The following RNASET2 variants were observed in gnomAD, a reference collection of about 807,000 sequenced individuals.
RNASET2 encodes the protein ribonuclease T2.
Under a neutral mutation model 33.9 loss-of-function variants are expected in RNASET2, and 28 were observed. That is an observed-to-expected ratio of 0.83 (90% CI 0.61 to 1.13). The LOEUF is 1.13. RNASET2 is among the 50% of genes most tolerant of loss of function. The probability of loss-of-function intolerance (pLI) is 0.00; values close to 1 mark genes in which losing one functional copy is unlikely to be tolerated. For missense variants in RNASET2, 330 were observed against 319.9 expected (o/e 1.03, Z -0.24); for synonymous variants, 123 against 121.0 (o/e 1.02, Z -0.11).
chr6:166,944,578 C>A (rs935290661), intron 4 of RNASET2, among the ~76,000 whole-genome samples: 1 of 151,296 alleles, frequency 6.6e-6, no homozygotes, highest in Non-Finnish European at 1.5e-5. Flanking sequence ...TGGGCTACTT[C>A]CGTTTGGGAC....
At chr6:166,937,914 A>T (rs1424516426) in intron 6 of RNASET2, among the ~76,000 whole-genome samples, 1 of 152,184 alleles carries the variant, frequency 6.6e-6, no homozygotes, top group Non-Finnish European at 1.5e-5. Context: ...CCCAAGTTGC[A>T]GCTGTTAGAC....
intron 1 of RNASET2, 132 bp downstream of exon 1, chr6:166,955,965 G>T: frequency 9.0e-7 from 1 of 1,111,666 alleles, no homozygotes. Context: ...AGCGTGCTCG[G>T]CTCCCCCCGC....
chr6:166,930,276 C>G (rs907578899), intron 8 of RNASET2, among the ~76,000 whole-genome samples: 5 of 152,242 alleles, frequency 3.3e-5, no homozygotes. Flanking sequence ...AGAAACCATG[C>G]TTGCTCACAC....
chr6:166,946,393 G>A (rs188071260), intron 4 of RNASET2, among the ~76,000 whole-genome samples: 1 of 152,372 alleles, frequency 6.6e-6, no homozygotes, highest in East Asian at 1.9e-4. Flanking sequence ...ATCTGCACAG[G>A]TCTGGCATGG....
intron 2 of RNASET2, among the ~76,000 whole-genome samples, chr6:166,949,317 C>G (rs1778926288): frequency 6.7e-6 from 1 of 150,078 alleles, no homozygotes; most frequent in Non-Finnish European, 1.5e-5. Context: ...TCCTGGCCAA[C>G]CTGTGAAACC....
intron 1 of RNASET2, among the ~76,000 whole-genome samples, chr6:166,955,281 GACA>G (rs1229335882): frequency 8.5e-5 from 6 of 70,784 alleles, no homozygotes; most frequent in East Asian, 5.0e-4. Flanking sequence ...GCGCACACAC[GACA>G]CACACGCACA....
intron 6 of RNASET2, chr6:166,938,430 G>A (rs560469561): frequency 2.1e-4 from 92 of 447,696 alleles, no homozygotes; most frequent in South Asian, 1.4e-3. Flanking sequence ...GATTTAGGCA[G>A]GTTGGGGTCA....
intron 3 of RNASET2, chr6:166,948,362 AG>A (rs1778898968): frequency 1.6e-6 from 1 of 636,506 alleles, no homozygotes; most frequent in Admixed American, 2.6e-5. Flanking sequence ...AAAAAAAAAA[AG>A]TGTTATTGTT....
In RNASET2 at chr6:166,929,796, A is replaced by C; in HGVS notation, c.568-5T>G. On this transcript the variant is annotated splice_polypyrimidine_tract_variant and splice_region_variant and intron_variant, in intron 8 of 8. Coordinates refer to ENST00000508775, the MANE Select transcript of RNASET2 (RefSeq NM_003730.6). ...AATTGTCTGTACTTCCTCATCCTAA[A>C]AGTAAACAATGAAAGACGCTTTAGA... 2.5e-6 allele frequency: 4 copies of C among 1,612,784 alleles called. No individual in the cohort carries two copies. The highest frequency in any genetic ancestry group is 3.4e-6 in the Non-Finnish European group (4 of 1,178,854).
chr6:166,943,117 A>G (rs749852433), intron 4 of RNASET2, 28 bp from the exon 5 acceptor site: 1 of 1,556,604 alleles, frequency 6.4e-7, no homozygotes, highest in Non-Finnish European at 8.8e-7. Flanking sequence ...AAATAAGTCT[A>G]CGCAGGTTCT....
chr6:166,948,528 C>A, intron 3 of RNASET2, 42 bp downstream of exon 3: 1 of 1,280,844 alleles, frequency 7.8e-7, no homozygotes, highest in South Asian at 1.2e-5. Context: ...TCCCAGTCAG[C>A]AAGCCTCTTC....
chr6:166,945,717 C>A (rs925865021), intron 4 of RNASET2, among the ~76,000 whole-genome samples: 5 of 151,644 alleles, frequency 3.3e-5, no homozygotes, highest in African/African-American at 1.2e-4. Context: ...GTAATCCCAG[C>A]TACTCAGGAG....
intron 2 of RNASET2, among the ~76,000 whole-genome samples, chr6:166,949,647 A>G (rs767042330): frequency 6.6e-6 from 1 of 152,204 alleles, no homozygotes; most frequent in Non-Finnish European, 1.5e-5. Flanking sequence ...CTGGAGAAAG[A>G]GGGTCAGAGG....
intron 1 of RNASET2, chr6:166,952,856 G>C (rs1583236405): frequency 5.2e-6 from 2 of 386,002 alleles, no homozygotes. Flanking sequence ...TCACTGAAGG[G>C]AAGCCACTGA....
intron 8 of RNASET2, 49 bp from the exon 9 acceptor site, chr6:166,929,840 C>G (rs1455287699): frequency 1.3e-6 from 2 of 1,526,170 alleles, no homozygotes; most frequent in African/African-American, 2.7e-5. Context: ...CTTGGATTAT[C>G]ATCAAGGTCT....
intron 5 of RNASET2, among the ~76,000 whole-genome samples, chr6:166,942,711 G>A (rs570697874): frequency 6.6e-6 from 1 of 152,156 alleles, no homozygotes; most frequent in African/African-American, 2.4e-5. Flanking sequence ...CAAAGTGCTA[G>A]GATTACAGGC....
At chr6:166,940,639 C>T (rs879933540) in intron 5 of RNASET2, among the ~76,000 whole-genome samples, 1 of 152,132 alleles carries the variant, frequency 6.6e-6, no homozygotes, top group Non-Finnish European at 1.5e-5. Context: ...CAGTAAATGT[C>T]AGCCATCATT....
chr6:166,940,996 G>A (rs1453065203), intron 5 of RNASET2, among the ~76,000 whole-genome samples: 5 of 152,198 alleles, frequency 3.3e-5, no homozygotes, highest in Admixed American at 3.3e-4. Context: ...AGCAGAGGTG[G>A]AGAAGCCAGA....
chr6:166,936,860 A>C (rs1456229177), intron 6 of RNASET2, among the ~76,000 whole-genome samples: 1 of 152,230 alleles, frequency 6.6e-6, no homozygotes, highest in East Asian at 1.9e-4. Flanking sequence ...ACAGAGATGA[A>C]TTATTTAGAT....
Sources: allele counts gnomAD v4.1 joint callset (sites outside exome capture counted in the v4.1 genomes callset), GRCh38; gene constraint gnomAD v4.1.1; transcripts MANE v1.5; gene names NCBI Gene and HGNC (gene_info 2026-07-23, HGNC 2026-07-21).